EYA4: variants seen among roughly 807,000 people sequenced by gnomAD.
The protein encoded by EYA4 is EYA transcriptional coactivator and phosphatase 4.
A neutral mutation model predicts 87.9 loss-of-function variants in EYA4; 31 were observed. The observed-to-expected ratio is 0.35, with a 90% CI of 0.27 to 0.48. EYA4 has a LOEUF of 0.48. Ranked by LOEUF, EYA4 falls within the 20% of genes least tolerant of loss-of-function variation. EYA4 has a pLI of 0.99. For synonymous variants in EYA4, 263 were observed against 270.6 expected, an observed-to-expected ratio of 0.97 and a Z score of 0.28; for missense variants, 678 against 761.4, an observed-to-expected ratio of 0.89 and a Z score of 1.29.
chr6:133,417,462 G>GA (rs1789820786), intron 3 of EYA4, among the ~76,000 whole-genome samples: 1 of 152,038 alleles, frequency 6.6e-6, no homozygotes, highest in Non-Finnish European at 1.5e-5. Context: ...GAGTGAATGG[G>GA]AAAAAGAAAG....
intron 3 of EYA4, among the ~76,000 whole-genome samples, chr6:133,382,928 T>G (rs1786357365): frequency 6.6e-6 from 1 of 152,140 alleles, no homozygotes; most frequent in South Asian, 2.1e-4. Context: ...CCTGTGGAAA[T>G]GATGAATTAA....
intron 3 of EYA4, among the ~76,000 whole-genome samples, chr6:133,431,542 A>G (rs1161397691): frequency 6.6e-6 from 1 of 152,250 alleles, no homozygotes; most frequent in African/African-American, 2.4e-5. Context: ...AGTTGATGCT[A>G]GTTGACTAAT....
intron 2 of EYA4, among the ~76,000 whole-genome samples, chr6:133,296,427 C>T (rs1778950064): frequency 6.6e-6 from 1 of 152,048 alleles, no homozygotes; most frequent in South Asian, 2.1e-4. Context: ...TCCAGGAGAC[C>T]AGTTGGGAGG....
intron 2 of EYA4, among the ~76,000 whole-genome samples, chr6:133,379,803 C>T (rs374081211): frequency 5.9e-5 from 9 of 152,222 alleles, no homozygotes; most frequent in East Asian, 3.9e-4. Flanking sequence ...TTCTACTATC[C>T]GTTTTGTTGC....
rs183380176 is a variant in EYA4 at position 133,437,612 on chromosome 6, G to A, written c.84-9018G>A. Among the ~76,000 whole-genome samples, 326 of 152,272 alleles carry A rather than the reference G, an allele frequency of 2.1e-3. 1 individual carries two copies. Among genetic ancestry groups the A allele is most frequent in the South Asian group, 4.4e-3 (21 of 4,818 alleles). ...TGCTGTAAAGAACTGCCCAAGACTG[G>A]GTAATTTATAGAGGAAAGAGGCTTA... On this transcript the variant is annotated intron_variant, in intron 3 of 19. Transcript: ENST00000355286.
At chr6:133,370,418 C>T (rs1276906402) in intron 2 of EYA4, among the ~76,000 whole-genome samples, 1 of 152,134 alleles carries the variant, frequency 6.6e-6, no homozygotes, top group Non-Finnish European at 1.5e-5. Context: ...TTAGATTTTT[C>T]ACAGTTTTTT....
chr6:133,282,514 A>C (rs1329072846), intron 2 of EYA4, among the ~76,000 whole-genome samples: 2 of 152,158 alleles, frequency 1.3e-5, no homozygotes, highest in African/African-American at 4.8e-5. Flanking sequence ...ATCTTCTATG[A>C]ACTTCTAAAA....
At chr6:133,346,495 A>G (rs193249112) in intron 2 of EYA4, among the ~76,000 whole-genome samples, 4 of 152,342 alleles carry the variant, frequency 2.6e-5, no homozygotes, top group Admixed American at 1.3e-4. Context: ...ATCTTTAAAA[A>G]TCTTATCATT....
intron 19 of EYA4, chr6:133,525,999 C>A: frequency 5.9e-6 from 4 of 676,294 alleles, no homozygotes; most frequent in East Asian, 1.3e-4. Context: ...TTCAGAAGAT[C>A]CCATGGGCCC....
chr6:133,477,304 C>A (rs774315830), intron 11 of EYA4, among the ~76,000 whole-genome samples: 20 of 152,072 alleles, frequency 1.3e-4, no homozygotes, highest in Non-Finnish European at 2.1e-4. Flanking sequence ...TTAGATAATA[C>A]CATTTTAACA....
chr6:133,427,593 T>C (rs985600356), intron 3 of EYA4, among the ~76,000 whole-genome samples: 3 of 152,192 alleles, frequency 2.0e-5, no homozygotes, highest in East Asian at 1.9e-4. Flanking sequence ...GCTCACTCTA[T>C]TGAAGTCCTT....
In EYA4 at chr6:133,529,178, T is replaced by C. The variant is rs982578038; in HGVS notation, c.*373T>C. 2 of 1,174,090 alleles carry C rather than the reference T, an allele frequency of 1.7e-6. No individual in the cohort carries two copies. The highest frequency in any genetic ancestry group is 1.8e-5 in the South Asian group (1 of 57,140). 72.7% of individuals were successfully genotyped at this position (1,174,090 alleles called of 1,614,324 possible). A position where few individuals can be genotyped will look rare whatever the true frequency, so the allele number is the denominator to read the frequency against. On this transcript the variant is annotated 3_prime_UTR_variant, in exon 20 of 20. Transcript: ENST00000355286. ...CAACAACATTCCTCAAAATGGGAGA[T>C]CTTCTCAGCCCTGAGGTTTGAATCT...
intron 3 of EYA4, among the ~76,000 whole-genome samples, chr6:133,426,982 C>T (rs2128574848): frequency 6.6e-6 from 1 of 152,250 alleles, no homozygotes; most frequent in Admixed American, 6.5e-5. Context: ...TCTATATTTT[C>T]CCCCCTACCC....
chr6:133,530,900 T>TA lies in EYA4; in HGVS notation c.*2102dup. 1.0e-5 allele frequency: 11 copies of TA among 1,088,952 alleles called. No homozygotes were observed. Among genetic ancestry groups the TA allele is most frequent in the Middle Eastern group, 4.0e-4 (1 of 2,508 alleles). 67.5% of individuals were successfully genotyped at this position (1,088,952 alleles called of 1,614,324 possible). A position where few individuals can be genotyped will look rare whatever the true frequency, so the allele number is the denominator to read the frequency against. ...TGGCCCTTAGCTTGAAAATAGCAGT[T>TA]AAAAAAATTTAAATGTTGCCTTGAT... On this transcript the variant is annotated 3_prime_UTR_variant, in exon 20 of 20. Transcript: ENST00000355286.
intron 2 of EYA4, among the ~76,000 whole-genome samples, chr6:133,300,449 T>G (rs1473734332): frequency 3.3e-5 from 5 of 152,166 alleles, no homozygotes; most frequent in Admixed American, 6.5e-5. Flanking sequence ...GTTAGTTTCT[T>G]TTACTGGCCA....
intron 5 of EYA4, chr6:133,453,633 T>C (rs987246584): frequency 1.3e-5 from 2 of 152,140 alleles, no homozygotes; most frequent in African/African-American, 2.4e-5. Flanking sequence ...TGCTTGTTGA[T>C]GCTCACTTAG....
intron 2 of EYA4, among the ~76,000 whole-genome samples, chr6:133,379,350 C>T (rs914383963): frequency 6.6e-6 from 1 of 152,074 alleles, no homozygotes; most frequent in Admixed American, 6.6e-5. Context: ...AATGAAGTCT[C>T]AAATGGAAGA....
intron 13 of EYA4, among the ~76,000 whole-genome samples, chr6:133,490,367 G>A (rs562036735): frequency 6.6e-6 from 1 of 150,756 alleles, no homozygotes; most frequent in African/African-American, 2.5e-5. Flanking sequence ...AAAAGACATA[G>A]AGTGGCTGAA....
Position 133,455,376 on chromosome 6 carries a change from A to T in EYA4, c.278-1180A>T, listed in dbSNP as rs559146480. On this transcript the variant is annotated intron_variant, in intron 5 of 19. Coordinates refer to ENST00000355286, the MANE Select transcript of EYA4 (RefSeq NM_004100.5). The stretch of plus-strand genomic sequence containing the variant: ...AGTTTCTTTACTTTCTGTTTCCAAC[A>T]TTTACATTTCTCCTCTGAATCTTCC... Among the ~76,000 whole-genome samples, 3 of 146,444 alleles carry T rather than the reference A, an allele frequency of 2.0e-5. No individual in the cohort carries two copies. The East Asian group carries it at 5.8e-4, about 28-fold the overall frequency.
Sources: gnomAD v4.1 joint callset for allele counts (sites outside exome capture counted in the v4.1 genomes callset) on GRCh38, gnomAD v4.1.1 for gene constraint, MANE v1.5 for transcripts, NCBI Gene and HGNC (gene_info 2026-07-23, HGNC 2026-07-21) for gene names.